The following MAEL variants were observed in gnomAD, a reference collection of about 807,000 sequenced individuals.
The protein encoded by MAEL is maelstrom spermatogenic transposon silencer, also known as protein maelstrom homolog.
Under a neutral mutation model 62.0 loss-of-function variants are expected in MAEL, and 46 were observed. That is an observed-to-expected ratio of 0.74 (90% CI 0.59 to 0.95). MAEL has a LOEUF of 0.95. Ranked by LOEUF, MAEL falls within the 40% of genes least tolerant of loss-of-function variation. MAEL has a pLI of 0.00. For missense variants in MAEL, 497 were observed against 526.8 expected, an observed-to-expected ratio of 0.94 and a Z score of 0.55; for synonymous variants, 172 against 175.5, an observed-to-expected ratio of 0.98 and a Z score of 0.16.
chr1:167,010,716 G>A (rs1181955701), intron 8 of MAEL, among the ~76,000 whole-genome samples: 1 of 152,124 alleles, frequency 6.6e-6, no homozygotes, highest in African/African-American at 2.4e-5. Context: ...CCAAATTGCT[G>A]GGATTACAGG....
In MAEL at chr1:166,989,441, C is replaced by G. The variant is rs749100498; in HGVS notation, c.89C>G (p.Ala30Gly). 7 of 1,592,084 alleles carry G rather than the reference C, an allele frequency of 4.4e-6. No homozygotes were observed. In the South Asian group the frequency reaches 8.0e-5, roughly 18 times the overall value. The change falls in exon 1 of 12, where the codon GCT becomes GGT. Residue 30 changes from alanine to glycine, a missense_variant. By Grantham distance (60) the Ala-to-Gly change is moderately conservative (BLOSUM62 0). Coordinates refer to ENST00000367872, the MANE Select transcript of MAEL (RefSeq NM_032858.3). ...CTACGGCGACGAGGCCTGCCTGTGG[C>G]TCGCGTTGCTGATGCCATCCCTTAC... ...PELRRRGLPV[A>G]RVADAIPYCS...
At chr1:167,002,465 T>C (rs1664711623) in intron 5 of MAEL, among the ~76,000 whole-genome samples, 1 of 152,222 alleles carries the variant, frequency 6.6e-6, no homozygotes, top group Non-Finnish European at 1.5e-5. Flanking sequence ...TCAGTCAAGC[T>C]AACAGAATCT....
chr1:166,979,362 T>TA (rs151280362), intron 1 of MAEL, among the ~76,000 whole-genome samples: 56,007 of 147,600 alleles, frequency 0.38, 10,757 homozygotes, highest in Middle Eastern at 0.52. Context: ...AATTATAAGT[T>TA]AAAAAAAAAA....
chr1:166,993,147 C>G (rs1664266174), intron 4 of MAEL, among the ~76,000 whole-genome samples: 1 of 152,152 alleles, frequency 6.6e-6, no homozygotes, highest in Non-Finnish European at 1.5e-5. Context: ...GCCGTGTATG[C>G]CATGATCTTT....
chr1:166,982,418 GAGATA>G (rs1410520080), intron 1 of MAEL, among the ~76,000 whole-genome samples: 1 of 152,158 alleles, frequency 6.6e-6, no homozygotes, highest in African/African-American at 2.4e-5. Flanking sequence ...TTGTGAAGGG[GAGATA>G]AGATAACCCT....
chr1:167,015,470 T>C (rs2102125709), intron 8 of MAEL, among the ~76,000 whole-genome samples: 1 of 152,338 alleles, frequency 6.6e-6, no homozygotes, highest in East Asian at 1.9e-4. Context: ...TTGCTAAGTT[T>C]AGGCAAGCTT....
intron 8 of MAEL, among the ~76,000 whole-genome samples, chr1:167,009,968 T>A (rs551117305): frequency 2.8e-4 from 42 of 152,198 alleles, no homozygotes; most frequent in Non-Finnish European, 4.9e-4. Context: ...TTGAGGATAT[T>A]TAATTTAACA....
intron 5 of MAEL, among the ~76,000 whole-genome samples, chr1:167,003,389 G>A (rs188285127): frequency 1.3e-5 from 2 of 152,090 alleles, no homozygotes; most frequent in African/African-American, 2.4e-5. Context: ...ATTTGTTCTC[G>A]TTCTTGTTTT....
intron 5 of MAEL, 74 bp from the exon 6 acceptor site, chr1:167,004,106 A>G (rs1261732443): frequency 7.7e-7 from 1 of 1,306,806 alleles, no homozygotes; most frequent in African/African-American, 1.5e-5. Flanking sequence ...CTCTTCTTGT[A>G]CCCCCACTTC....
chr1:166,980,488 C>G (rs1663727477), intron 1 of MAEL, among the ~76,000 whole-genome samples: 1 of 152,188 alleles, frequency 6.6e-6, no homozygotes. Flanking sequence ...GGTGTTTTGT[C>G]AGGCCTGTAT....
At chr1:166,988,342 C>T (rs1363297039), upstream of MAEL, among the ~76,000 whole-genome samples, 9 of 130,728 alleles carry the variant, frequency 6.9e-5, no homozygotes, top group African/African-American at 2.8e-4. Context: ...AGACTGAGAC[C>T]CTGTCTAAAA....
rs773824499 is a variant in MAEL at position 167,021,807 on chromosome 1, T to C, written c.1257T>C (p.Pro419=). 6 of 1,611,872 alleles carry C rather than the reference T, an allele frequency of 3.7e-6. No individual in the cohort carries two copies. In the African/African-American group the frequency reaches 8.0e-5, roughly 22 times the overall value. ...KFSNCDTSLS[P]YMSQKDGYKS... is the part of the protein sequence containing the mutation. ...CCAACTGTGACACTTCACTCTCACC[T>C]TACATGTCCCAAAAAGATGGATACA... is the stretch of plus-strand genomic sequence containing the variant. The change falls in exon 12 of 12, where the codon CCT becomes CCC. Residue 419 remains proline (P), a synonymous_variant. Coordinates refer to ENST00000367872, the MANE Select transcript of MAEL (RefSeq NM_032858.3).
At chr1:166,988,827 T>A (rs1664014847), upstream of MAEL, among the ~76,000 whole-genome samples, 1 of 152,160 alleles carries the variant, frequency 6.6e-6, no homozygotes, top group African/African-American at 2.4e-5. Flanking sequence ...TTTTAAAAAA[T>A]TCGAGTTTTG....
chr1:167,004,333 G>A (rs756088798), intron 6 of MAEL, 29 bp downstream of exon 6: 1 of 1,558,456 alleles, frequency 6.4e-7, no homozygotes, highest in Non-Finnish European at 8.6e-7. Context: ...GTTCTTTTAA[G>A]GTATCAATTT....
chr1:166,990,582 C>T (rs1664128223), intron 2 of MAEL: 1 of 152,038 alleles, frequency 6.6e-6, no homozygotes, highest in African/African-American at 2.4e-5. Context: ...TCGCTTGAAC[C>T]CGGGAGGCAG....
At chr1:166,991,569 C>A in intron 3 of MAEL, 92 bp downstream of exon 3, 1 of 766,592 alleles carries the variant, frequency 1.3e-6, no homozygotes, top group Non-Finnish European at 2.3e-6. Flanking sequence ...CATTTTGATC[C>A]TCCGTTTCAA....
chr1:167,000,573 G>A (rs1219675817), intron 5 of MAEL, among the ~76,000 whole-genome samples: 1 of 152,190 alleles, frequency 6.6e-6, no homozygotes, highest in Admixed American at 6.5e-5. Context: ...GTAGCAGCAG[G>A]GTTTGAAAGG....
intron 10 of MAEL, among the ~76,000 whole-genome samples, chr1:167,019,286 T>C (rs1665521637): frequency 6.6e-6 from 1 of 152,188 alleles, no homozygotes; most frequent in Non-Finnish European, 1.5e-5. Context: ...AGTGCCCAGG[T>C]TGAGAAACCC....
At chr1:167,003,978 GAC>G (rs1212560872) in intron 5 of MAEL, among the ~76,000 whole-genome samples, 200 bp from the exon 6 acceptor site, 2 of 151,924 alleles carry the variant, frequency 1.3e-5, no homozygotes, top group South Asian at 2.1e-4. Flanking sequence ...TACACACACA[GAC>G]ACACACACAT....
Sources: allele counts gnomAD v4.1 joint callset (sites outside exome capture counted in the v4.1 genomes callset), GRCh38; gene constraint gnomAD v4.1.1; transcripts MANE v1.5; gene names NCBI Gene and HGNC (gene_info 2026-07-23, HGNC 2026-07-21).